NEU2: variants seen among roughly 807,000 people sequenced by gnomAD.
NEU2 encodes sialidase-2.
Under a neutral mutation model 6.3 loss-of-function variants are expected in NEU2, and 7 were observed. That is an observed-to-expected ratio of 1.12 (90% confidence interval 0.63 to 2.10). NEU2 has a LOEUF of 2.10. NEU2 is among the 30% of genes most tolerant of loss of function. NEU2 has a pLI of 0.00. For missense variants in NEU2, 509 were observed against 504.0 expected (o/e 1.01, Z -0.09); for synonymous variants, 208 against 223.3 (o/e 0.93, Z 0.61).
intron 1 of NEU2, among the ~76,000 whole-genome samples, chr2:233,033,896 C>T (rs544867860): frequency 6.6e-6 from 1 of 152,188 alleles, no homozygotes; most frequent in South Asian, 2.1e-4. Flanking sequence ...ATCACTCAGC[C>T]GAGTGTGGCT....
chr2:233,034,419 G>C lies in NEU2; in HGVS notation c.505G>C (p.Asp169His). 2 of 1,613,934 alleles carry C rather than the reference G, an allele frequency of 1.2e-6. No homozygotes were observed. Among genetic ancestry groups the C allele is most frequent in the South Asian group, 2.2e-5 (2 of 91,072 alleles). The change falls in exon 2 of 2, where the codon GAC becomes CAC. Residue 169 changes from aspartate to histidine, a missense_variant. Physicochemically the swap from Asp to His is moderately conservative, Grantham distance 81 (BLOSUM62 -1). Coordinates refer to ENST00000233840, the MANE Select transcript of NEU2 (RefSeq NM_005383.2). This position sits in a 1 kb window ranked among gnomAD's most constrained non-coding sequence, Gnocchi z 4.8. ...CCCGGGGCATTGTTTGCAGCTTCAC[G>C]ACAGGGCCCGGAGCCTGGTGGTGCC... ...VGPGHCLQLH[D>H]RARSLVVPAY...
Position 233,034,786 on chromosome 2 carries a change from A to C in NEU2, c.872A>C (p.Gln291Pro). Residue 291 changes from glutamine to proline, a missense_variant, in exon 2 of 2, where the codon CAG becomes CCG. Gln to Pro is a moderately conservative substitution (Grantham distance 76). Coordinates refer to ENST00000233840, the MANE Select transcript of NEU2 (RefSeq NM_005383.2). The surrounding 1 kb of genome is among the most constrained non-coding windows in gnomAD (Gnocchi z 4.8). ...SPRSGPGSPA[Q>P]WLLYTHPTHS... is the part of the protein sequence containing the mutation. ...CGCTCGGGGCCTGGCTCCCCAGCCC[A>C]GTGGCTGCTCTACACTCACCCCACA... 1.9e-6 allele frequency: 3 copies of C among 1,545,948 alleles called. No individual in the cohort carries two copies. Among genetic ancestry groups the C allele is most frequent in the Non-Finnish European group, 2.6e-6 (3 of 1,145,462 alleles).
Position 233,034,893 on chromosome 2 carries a change from C to G in NEU2, c.979C>G (p.Leu327Val). The change falls in exon 2 of 2, where the codon CTG becomes GTG. Residue 327 changes from leucine to valine, a missense_variant. By Grantham distance (32) the Leu-to-Val change is conservative. Coordinates refer to ENST00000233840, the MANE Select transcript of NEU2 (RefSeq NM_005383.2). The surrounding 1 kb of genome is among the most constrained non-coding windows in gnomAD (Gnocchi z 4.8). ...APEAWSEPVL[L>V]AKGSCAYSDL... ...TGAGGCCTGGTCAGAGCCGGTACTG[C>G]TGGCCAAGGGCAGCTGTGCCTACTC... 6.2e-7 allele frequency: 1 copy of G among 1,614,044 alleles called. No individual in the cohort carries two copies. The highest frequency in any genetic ancestry group is 8.5e-7 in the Non-Finnish European group (1 of 1,179,962).
rs1348682879 is a variant in NEU2, at chr2:233,034,150, T to C, written c.236T>C (p.Leu79Pro). ...CAGGAGGTGGTGGCCCAGGCCCGGC[T>C]GGATGGCCACCGGTCCATGAACCCA... is the stretch of plus-strand genomic sequence containing the variant. Reference protein sequence around the residue: ...QAQEVVAQARLDGHRSMNPCP... With the variant: ...QAQEVVAQARPDGHRSMNPCP... The change falls in exon 2 of 2, where the codon CTG becomes CCG. Residue 79 changes from leucine to proline, a missense_variant. By Grantham distance (98) the Leu-to-Pro change is moderately conservative. Transcript: ENST00000233840. The surrounding 1 kb of genome is among the most constrained non-coding windows in gnomAD (Gnocchi z 4.8). The C allele has an allele frequency of 6.2e-7, 1 of 1,613,506 alleles. No individual in the cohort carries two copies. The highest frequency in any genetic ancestry group is 8.5e-7 in the Non-Finnish European group (1 of 1,179,778).
rs145429958 is a variant in NEU2, at chr2:233,032,848, C to T, written c.177C>T (p.Tyr59=). The T allele has an allele frequency of 1.7e-5, 27 of 1,609,356 alleles. No individual in the cohort carries two copies. The highest frequency in any genetic ancestry group is 6.7e-5 in the African/African-American group (5 of 74,794). ...TGATTGTCCTGCGCAGAGGAGACTA[C>T]GACGCACCCACCCACCAGGTTCAGG... The part of the protein sequence containing the change: ...AELIVLRRGD[Y]DAPTHQVQWQ... Residue 59 remains tyrosine (Y), a synonymous_variant, in exon 1 of 2, where the codon TAC becomes TAT. Transcript: ENST00000233840.
Position 233,034,539 on chromosome 2 carries a change from G to A in NEU2, c.625G>A (p.Gly209Arg). 2 of 1,614,094 alleles carry A rather than the reference G, an allele frequency of 1.2e-6. No homozygotes were observed. Among genetic ancestry groups the A allele is most frequent in the Non-Finnish European group, 1.7e-6 (2 of 1,179,970 alleles). The change falls in exon 2 of 2, where the codon GGG becomes AGG. Residue 209 changes from glycine (G) to arginine (R), a missense_variant. By Grantham distance (125) the Gly-to-Arg change is moderately radical. Coordinates refer to ENST00000233840, the MANE Select transcript of NEU2 (RefSeq NM_005383.2). The surrounding 1 kb of genome is among the most constrained non-coding windows in gnomAD (Gnocchi z 4.8). ...SHDHGRTWAR[G>R]HFVAQDTLEC... ...TGACCATGGGCGCACGTGGGCGCGA[G>A]GGCACTTTGTGGCCCAGGACACCCT...
At position 233,034,081 on chromosome 2, in the gene NEU2, C is replaced by A; in HGVS notation, c.202-35C>A. On this transcript the variant is annotated intron_variant, in intron 1 of 1. Transcript: ENST00000233840. The surrounding 1 kb of genome is among the most constrained non-coding windows in gnomAD (Gnocchi z 4.8). ...CTCCTGGCACCATCCCCAGCTGTTT[C>A]AAGGCTGCCTTCTTCTTTCTCTCTC... 1 of 1,557,986 alleles carries A rather than the reference C, an allele frequency of 6.4e-7. No individual in the cohort carries two copies. Among genetic ancestry groups the A allele is most frequent in the Non-Finnish European group, 8.7e-7 (1 of 1,151,678 alleles).
Position 233,034,720 on chromosome 2 carries a change from C to T in NEU2, c.806C>T (p.Pro269Leu), listed in dbSNP as rs1690564621. The T allele has an allele frequency of 6.5e-7, 1 of 1,543,824 alleles. No homozygotes were observed. ...GTGAAGAAGCTGGTGGAGCCGCCGCCCCAGGGCTGCCAGGGGAGCGTCATC... is the reference window on the plus strand; with the variant it reads ...GTGAAGAAGCTGGTGGAGCCGCCGCTCCAGGGCTGCCAGGGGAGCGTCATC... ...QLVKKLVEPP[P>L]QGCQGSVISF... The change falls in exon 2 of 2, where the codon CCC becomes CTC. Residue 269 changes from proline to leucine, a missense_variant. By Grantham distance (98) the Pro-to-Leu change is moderately conservative. Transcript: ENST00000233840. This position sits in a 1 kb window ranked among gnomAD's most constrained non-coding sequence, Gnocchi z 4.8.
rs2233385 is a variant in NEU2, at chr2:233,032,793, G to A, written c.122G>A (p.Arg41Gln). The A allele has an allele frequency of 9.8e-3, 15,759 of 1,614,156 alleles. 384 individuals carry two copies. The East Asian group carries it at 0.11, about 11-fold the overall frequency. Residue 41 changes from arginine (R) to glutamine (Q), a missense_variant, in exon 1 of 2, where the codon CGG (arginine) becomes CAG (glutamine). Transcript: ENST00000233840. ...TCCCTGCTGGCCTTCGCGGAACAGC[G>A]GGCAAGCAAGAAGGATGAGCACGCA... ...QQSLLAFAEQ[R>Q]ASKKDEHAEL...
At position 233,034,976 on chromosome 2, in the gene NEU2, C is replaced by T. The variant is rs756971018; in HGVS notation, c.1062C>T (p.Tyr354=). ...PDGSPLFGCL[Y]EANDYEEIVF... is the part of the protein sequence containing the mutation. The stretch of plus-strand genomic sequence containing the variant: ...GGTCCCCCTTGTTTGGGTGTCTGTA[C>T]GAAGCCAATGATTACGAGGAGATTG... Residue 354 remains tyrosine (Y), a synonymous_variant, in exon 2 of 2, where the codon TAC becomes TAT. Coordinates refer to ENST00000233840, the MANE Select transcript of NEU2 (RefSeq NM_005383.2). This position sits in a 1 kb window ranked among gnomAD's most constrained non-coding sequence, Gnocchi z 4.8. 1.9e-5 allele frequency: 31 copies of T among 1,613,996 alleles called. No individual in the cohort carries two copies. Among genetic ancestry groups the T allele is most frequent in the African/African-American group, 6.7e-5 (5 of 74,940 alleles).
Position 233,034,743 on chromosome 2 carries a change from A to G in NEU2, c.829A>G (p.Ile277Val). Residue 277 changes from isoleucine to valine, a missense_variant, in exon 2 of 2, where the codon ATC (isoleucine) becomes GTC (valine). Physicochemically the swap from Ile to Val is conservative, Grantham distance 29 (BLOSUM62 3). Coordinates refer to ENST00000233840, the MANE Select transcript of NEU2 (RefSeq NM_005383.2). This position sits in a 1 kb window ranked among gnomAD's most constrained non-coding sequence, Gnocchi z 4.8. The stretch of plus-strand genomic sequence containing the variant: ...GCCCCAGGGCTGCCAGGGGAGCGTC[A>G]TCAGCTTCCCCAGCCCCCGCTCGGG... ...PPPQGCQGSV[I>V]SFPSPRSGPG... 3 of 1,539,468 alleles carry G rather than the reference A, an allele frequency of 1.9e-6. No individual in the cohort carries two copies. Among genetic ancestry groups the G allele is most frequent in the Non-Finnish European group, 2.6e-6 (3 of 1,142,688 alleles).
At position 233,034,490 on chromosome 2, in the gene NEU2, C is replaced by G. The variant is rs770836974; in HGVS notation, c.576C>G (p.Pro192=). Residue 192 remains proline, a synonymous_variant, in exon 2 of 2, where the codon CCC becomes CCG. Transcript: ENST00000233840. This position sits in a 1 kb window ranked among gnomAD's most constrained non-coding sequence, Gnocchi z 4.8. ...RKLHPIQRPI[P]SAFCFLSHDH... ...TTCACCCCATCCAAAGGCCGATCCC[C>G]TCTGCCTTCTGCTTCCTCAGCCATG... 6.2e-7 allele frequency: 1 copy of G among 1,614,182 alleles called. No individual in the cohort carries two copies. The highest frequency in any genetic ancestry group is 8.5e-7 in the Non-Finnish European group (1 of 1,180,028).
rs755713486 is a variant in NEU2 at position 233,034,071 on chromosome 2, C to G, written c.202-45C>G. On this transcript the variant is annotated intron_variant, in intron 1 of 1. Coordinates refer to ENST00000233840, the MANE Select transcript of NEU2 (RefSeq NM_005383.2). This position sits in a 1 kb window ranked among gnomAD's most constrained non-coding sequence, Gnocchi z 4.8. ...ACTCATGCAGCTCCTGGCACCATCC[C>G]CAGCTGTTTCAAGGCTGCCTTCTTC... 2.6e-6 allele frequency: 4 copies of G among 1,535,680 alleles called. No individual in the cohort carries two copies. Among genetic ancestry groups the G allele is most frequent in the Non-Finnish European group, 3.5e-6 (4 of 1,136,636 alleles).
chr2:233,034,413 C>A lies in NEU2; in HGVS notation c.499C>A (p.Leu167Ile), dbSNP rs1690558273. ...FAVGPGHCLQLHDRARSLVVP... is the reference protein window; with the variant it reads ...FAVGPGHCLQIHDRARSLVVP... The stretch of plus-strand genomic sequence containing the variant: ...AGTGGGCCCGGGGCATTGTTTGCAG[C>A]TTCACGACAGGGCCCGGAGCCTGGT... The change falls in exon 2 of 2, where the codon CTT becomes ATT. Residue 167 changes from leucine to isoleucine, a missense_variant. By Grantham distance (5) the Leu-to-Ile change is conservative (BLOSUM62 2). Coordinates refer to ENST00000233840, the MANE Select transcript of NEU2 (RefSeq NM_005383.2). This position sits in a 1 kb window ranked among gnomAD's most constrained non-coding sequence, Gnocchi z 4.8. 1 of 1,613,884 alleles carries A rather than the reference C, an allele frequency of 6.2e-7. No individual in the cohort carries two copies. Among genetic ancestry groups the A allele is most frequent in the Admixed American group, 1.7e-5 (1 of 60,000 alleles).
rs201184759 is a variant in NEU2 at position 233,032,792 on chromosome 2, C to T, written c.121C>T (p.Arg41Trp). ...GTCCCTGCTGGCCTTCGCGGAACAG[C>T]GGGCAAGCAAGAAGGATGAGCACGC... is the stretch of plus-strand genomic sequence containing the variant. ...QQSLLAFAEQ[R>W]ASKKDEHAEL... Residue 41 changes from arginine (R) to tryptophan (W), a missense_variant, in exon 1 of 2, where the codon CGG becomes TGG. Coordinates refer to ENST00000233840, the MANE Select transcript of NEU2 (RefSeq NM_005383.2). 37 of 1,614,218 alleles carry T rather than the reference C, an allele frequency of 2.3e-5. No homozygotes were observed. In the East Asian group the frequency reaches 4.2e-4, roughly 18 times the overall value.
Position 233,034,147 on chromosome 2 carries a change from G to C in NEU2, c.233G>C (p.Arg78Pro). 1.9e-6 allele frequency: 3 copies of C among 1,613,098 alleles called. No individual in the cohort carries two copies. The highest frequency in any genetic ancestry group is 2.2e-5 in the South Asian group (2 of 91,010). The change falls in exon 2 of 2, where the codon CGG (arginine) becomes CCG (proline). Residue 78 changes from arginine (R) to proline (P), a missense_variant. Coordinates refer to ENST00000233840, the MANE Select transcript of NEU2 (RefSeq NM_005383.2). The surrounding 1 kb of genome is among the most constrained non-coding windows in gnomAD (Gnocchi z 4.8). The part of the protein sequence containing the change: ...WQAQEVVAQA[R>P]LDGHRSMNPC... ...GCTCAGGAGGTGGTGGCCCAGGCCCGGCTGGATGGCCACCGGTCCATGAAC... is the reference window on the plus strand; with the variant it reads ...GCTCAGGAGGTGGTGGCCCAGGCCCCGCTGGATGGCCACCGGTCCATGAAC...
rs1405804449 is a variant in NEU2 at position 233,033,773 on chromosome 2, T to C, written c.202-343T>C. On this transcript the variant is annotated intron_variant, in intron 1 of 1. Transcript: ENST00000233840. The stretch of plus-strand genomic sequence containing the variant: ...TGGTGAGCTGGACTGGGGTGGGAAG[T>C]GGAGGAACCAGGATGAAGTTGGGAA... Among the ~76,000 whole-genome samples the C allele has an allele frequency of 7.3e-4, 111 of 152,078 alleles. 1 individual carries two copies. The highest frequency in any genetic ancestry group is 7.3e-3 in the Admixed American group (111 of 15,258).
At chr2:233,033,339 TG>T (rs1299960089) in intron 1 of NEU2, among the ~76,000 whole-genome samples, 8 of 152,232 alleles carry the variant, frequency 5.3e-5, no homozygotes, top group Non-Finnish European at 1.2e-4. Flanking sequence ...ACTACACAGC[TG>T]TTCAAAGCAT....
Position 233,034,769 on chromosome 2 carries a change from G to T in NEU2, c.855G>T (p.Gly285=), listed in dbSNP as rs1690566023. Residue 285 remains glycine, a synonymous_variant, in exon 2 of 2, where the codon GGG becomes GGT. Transcript: ENST00000233840. This position sits in a 1 kb window ranked among gnomAD's most constrained non-coding sequence, Gnocchi z 4.8. ...SVISFPSPRS[G]PGSPAQWLLY... ...TCAGCTTCCCCAGCCCCCGCTCGGG[G>T]CCTGGCTCCCCAGCCCAGTGGCTGC... 6.5e-7 allele frequency: 1 copy of T among 1,536,806 alleles called. No individual in the cohort carries two copies. The highest frequency in any genetic ancestry group is 2.0e-5 in the Admixed American group (1 of 49,326).
Sources: allele counts gnomAD v4.1 joint callset (sites outside exome capture counted in the v4.1 genomes callset), GRCh38; gene constraint gnomAD v4.1.1; non-coding constraint Gnocchi (gnomAD v3.1); transcripts MANE v1.5; gene names NCBI Gene and HGNC (gene_info 2026-07-23, HGNC 2026-07-21).